Variants in CSMD2 observed in about 807,000 individuals in gnomAD.
The protein encoded by CSMD2 is CUB and Sushi multiple domains 2, also known as CUB and sushi domain-containing protein 2.
CSMD2 carries 130 observed loss-of-function variants against 398.5 expected under a neutral mutation model. That is an observed-to-expected ratio of 0.33 (90% CI 0.28 to 0.38). CSMD2 has a LOEUF of 0.38. Among genes scored for constraint, CSMD2 ranks in the 10% least tolerant of loss-of-function variants. The probability of loss-of-function intolerance (pLI) is 1.00; values close to 1 mark genes in which losing one functional copy is unlikely to be tolerated. For missense variants in CSMD2, 3,829 were observed against 4,764.9 expected, an observed-to-expected ratio of 0.80 and a Z score of 5.78; for synonymous variants, 1,828 against 1,908.5, an observed-to-expected ratio of 0.96 and a Z score of 1.10.
chr1:33,881,530 C>T (rs1171154758), intron 5 of CSMD2, among the ~76,000 whole-genome samples: 3 of 151,754 alleles, frequency 2.0e-5, no homozygotes, highest in African/African-American at 7.3e-5. Context: ...TGCCAAGCAG[C>T]GTGGGGTAGT....
intron 46 of CSMD2, among the ~76,000 whole-genome samples, chr1:33,584,243 A>C (rs1638918207): frequency 6.6e-6 from 1 of 152,218 alleles, no homozygotes; most frequent in Non-Finnish European, 1.5e-5. Context: ...AGTCAAATAC[A>C]CCTGGATTCA....
intron 1 of CSMD2, among the ~76,000 whole-genome samples, chr1:34,114,270 C>G (rs536938376): frequency 4.0e-5 from 6 of 151,572 alleles, no homozygotes; most frequent in Non-Finnish European, 8.8e-5. Context: ...TGTAAAACTA[C>G]TCTGTAAAGA....
chr1:33,588,383 G>A (rs539696161), intron 44 of CSMD2, among the ~76,000 whole-genome samples: 1,545 of 151,826 alleles, frequency 0.01, 16 homozygotes, highest in Non-Finnish European at 0.017. Flanking sequence ...CATCTTTTAC[G>A]TTTTTTTCTT....
chr1:33,637,874 A>G (rs771284774), intron 29 of CSMD2, among the ~76,000 whole-genome samples: 2 of 152,174 alleles, frequency 1.3e-5, no homozygotes, highest in Non-Finnish European at 2.9e-5. Context: ...TCAGAGATGA[A>G]TGGCTCAGGA....
At chr1:33,567,256 T>G (rs1659131835) in intron 53 of CSMD2, among the ~76,000 whole-genome samples, 1 of 151,830 alleles carries the variant, frequency 6.6e-6, no homozygotes, top group African/African-American at 2.4e-5. Context: ...TCAGAGGAAA[T>G]TTCATAGTCT....
At chr1:34,134,755 A>C (rs1638538819) in intron 1 of CSMD2, among the ~76,000 whole-genome samples, 1 of 152,232 alleles carries the variant, frequency 6.6e-6, no homozygotes, top group African/African-American at 2.4e-5. Context: ...ATGCCATAGA[A>C]AACAAGCAAG....
chr1:34,074,389 C>G (rs887541537), intron 2 of CSMD2, among the ~76,000 whole-genome samples: 4 of 152,202 alleles, frequency 2.6e-5, no homozygotes, highest in Non-Finnish European at 5.9e-5. Context: ...CCTGGTGGAG[C>G]TGGCCCGGGC....
At chr1:33,951,066 C>G (rs937137485) in intron 3 of CSMD2, among the ~76,000 whole-genome samples, 2 of 152,232 alleles carry the variant, frequency 1.3e-5, no homozygotes, top group African/African-American at 4.8e-5. Flanking sequence ...CTCTATCTGA[C>G]AATCTGACCC....
chr1:33,566,685 G>A (rs986083015), intron 53 of CSMD2, among the ~76,000 whole-genome samples: 11 of 152,086 alleles, frequency 7.2e-5, no homozygotes. Flanking sequence ...AATGTTAAAA[G>A]TGACAAAAAA....
chr1:33,815,870 T>C (rs1477742470), intron 9 of CSMD2, among the ~76,000 whole-genome samples: 1 of 152,168 alleles, frequency 6.6e-6, no homozygotes, highest in African/African-American at 2.4e-5. Flanking sequence ...GTATGTGTCA[T>C]CCAGGGAAAA....
chr1:33,746,054 C>T (rs565755518), intron 13 of CSMD2, among the ~76,000 whole-genome samples: 179 of 152,278 alleles, frequency 1.2e-3, no homozygotes, highest in Non-Finnish European at 1.6e-3. Context: ...TAACCCCCCA[C>T]CATGTCTCTC....
intron 5 of CSMD2, among the ~76,000 whole-genome samples, chr1:33,868,606 C>T (rs57295936): frequency 0.029 from 4,347 of 152,062 alleles, 224 homozygotes; most frequent in African/African-American, 0.1. Flanking sequence ...TGTGGTGGCA[C>T]GTGCCTGTAA....
At chr1:33,575,633 G>A (rs1035555697) in intron 49 of CSMD2, among the ~76,000 whole-genome samples, 1 of 152,134 alleles carries the variant, frequency 6.6e-6, no homozygotes, top group African/African-American at 2.4e-5. Context: ...TTAATTTTGG[G>A]TGGTGATGTA....
intron 4 of CSMD2, among the ~76,000 whole-genome samples, chr1:33,920,283 A>C (rs10799009): frequency 0.59 from 89,406 of 151,200 alleles, 26,998 homozygotes; most frequent in African/African-American, 0.65. Flanking sequence ...AATCCCAGCA[A>C]TTTGGGAGGC....
chr1:33,799,006 T>C (rs1366031226), intron 10 of CSMD2, among the ~76,000 whole-genome samples: 1 of 152,244 alleles, frequency 6.6e-6, no homozygotes, highest in East Asian at 1.9e-4. Context: ...ACTGCTTTGC[T>C]ACAACACTTT....
intron 29 of CSMD2, among the ~76,000 whole-genome samples, chr1:33,639,173 G>A (rs908207419): frequency 2.0e-5 from 3 of 152,312 alleles, no homozygotes; most frequent in South Asian, 4.1e-4. Context: ...CGGAGATAAC[G>A]TTGAAATGGG....
chr1:33,971,354 C>T (rs990553151), intron 3 of CSMD2, among the ~76,000 whole-genome samples: 1 of 152,192 alleles, frequency 6.6e-6, no homozygotes, highest in African/African-American at 2.4e-5. Flanking sequence ...AATGCATGCC[C>T]GCGACCAATC....
In CSMD2 at chr1:33,578,779, C is replaced by T. The variant is rs537757714; in HGVS notation, c.7388-1295G>A. 5.9e-4 allele frequency among the ~76,000 whole-genome samples: 90 copies of T among 152,256 alleles called. 2 individuals carry two copies. Among genetic ancestry groups the T allele is most frequent in the African/African-American group, 2.1e-3 (87 of 41,546 alleles). ...AGGCAGAGATGGATAAGGCAGGATG[C>T]GCGTGTGGGGCCCTTACAGCCACCC... On this transcript the variant is annotated intron_variant, in intron 48 of 70. Coordinates refer to ENST00000373381, the MANE Select transcript of CSMD2 (RefSeq NM_001281956.2).
At chr1:33,600,085 T>A in intron 44 of CSMD2, 1 of 681,892 alleles carries the variant, frequency 1.5e-6, no homozygotes, top group Non-Finnish European at 2.7e-6. Context: ...ACAGAATTCT[T>A]ACAGGTCACA....
Sources: allele counts gnomAD v4.1 joint callset (sites outside exome capture counted in the v4.1 genomes callset), GRCh38; gene constraint gnomAD v4.1.1; transcripts MANE v1.5; gene names NCBI Gene and HGNC (gene_info 2026-07-23, HGNC 2026-07-21).